The following NUSAP1 variants were observed in gnomAD, a reference collection of about 807,000 sequenced individuals.
NUSAP1 encodes nucleolar and spindle-associated protein 1.
NUSAP1 carries 32 observed loss-of-function variants against 52.8 expected under a neutral mutation model. The ratio of observed to expected loss-of-function variants is 0.61; its 90% CI spans 0.46 to 0.81. NUSAP1 has a LOEUF of 0.81. NUSAP1 is among the 40% of genes least tolerant of loss of function. The pLI is 0.00. For missense variants in NUSAP1, 499 were observed against 522.3 expected (o/e 0.96, Z 0.43); for synonymous variants, 195 against 183.1 (o/e 1.06, Z -0.52).
intron 10 of NUSAP1, among the ~76,000 whole-genome samples, chr15:41,378,902 A>G (rs2050085795): frequency 6.7e-6 from 1 of 150,374 alleles, no homozygotes; most frequent in African/African-American, 2.4e-5. Context: ...GACAAACCAA[A>G]AAAAAAAAAG....
chr15:41,355,821 C>T (rs573602720), intron 4 of NUSAP1, among the ~76,000 whole-genome samples: 16 of 151,742 alleles, frequency 1.1e-4, no homozygotes, highest in Non-Finnish European at 1.2e-4. Flanking sequence ...GGACTACAGG[C>T]GCCCACCACC....
At chr15:41,361,358 A>G (rs926171220) in intron 6 of NUSAP1, among the ~76,000 whole-genome samples, 10 of 151,938 alleles carry the variant, frequency 6.6e-5, no homozygotes, top group Admixed American at 2.0e-4. Flanking sequence ...ATGCCATTGC[A>G]CTCCAGCCTG....
At chr15:41,367,921 C>T (rs1258179415) in intron 7 of NUSAP1, among the ~76,000 whole-genome samples, 1 of 152,164 alleles carries the variant, frequency 6.6e-6, no homozygotes, top group Non-Finnish European at 1.5e-5. Flanking sequence ...TTCCCATTGA[C>T]ACTCCAGTCA....
intron 6 of NUSAP1, among the ~76,000 whole-genome samples, chr15:41,359,510 C>T (rs2049088022): frequency 1.3e-5 from 2 of 152,084 alleles, no homozygotes; most frequent in East Asian, 1.9e-4. Context: ...GAGGAAAACT[C>T]ACTGGGTGAT....
chr15:41,366,116 ATCC>A (rs1401422339), intron 7 of NUSAP1, among the ~76,000 whole-genome samples: 2 of 151,886 alleles, frequency 1.3e-5, no homozygotes, highest in Non-Finnish European at 2.9e-5. Context: ...TATATTTAGT[ATCC>A]TCCTTCTAGC....
At chr15:41,365,736 T>C in intron 7 of NUSAP1, 147 bp downstream of exon 7, 1 of 559,840 alleles carries the variant, frequency 1.8e-6, no homozygotes. Context: ...TTTTTTTTTT[T>C]TTGAGATGAG....
chr15:41,354,670 GATAT>G (rs10541882), intron 4 of NUSAP1, among the ~76,000 whole-genome samples: 16,708 of 145,926 alleles, frequency 0.11, 2,061 homozygotes, highest in East Asian at 0.59. Context: ...TGTTTTAACC[GATAT>G]ATATATATAT....
chr15:41,348,998 T>G, intron 2 of NUSAP1, 100 bp from the exon 3 acceptor site: 1 of 1,216,188 alleles, frequency 8.2e-7, no homozygotes, highest in Admixed American at 2.6e-5. Context: ...TTTTTTCTTT[T>G]GCATATGTAA....
chr15:41,375,911 CA>C, intron 9 of NUSAP1, 83 bp downstream of exon 9: 1 of 911,518 alleles, frequency 1.1e-6, no homozygotes, highest in Non-Finnish European at 1.8e-6. Flanking sequence ...ACTAAACATA[CA>C]AAAATTAGCC....
At chr15:41,362,927 C>G (rs1193523391) in intron 6 of NUSAP1, among the ~76,000 whole-genome samples, 3 of 151,966 alleles carry the variant, frequency 2.0e-5, no homozygotes, top group East Asian at 1.9e-4. Context: ...GAGCTGAGAT[C>G]GGGCCACTGT....
chr15:41,357,546 C>T (rs1370654895), intron 5 of NUSAP1, among the ~76,000 whole-genome samples: 6 of 151,634 alleles, frequency 4.0e-5, no homozygotes, highest in Non-Finnish European at 7.4e-5. Context: ...CGGGTTCAAG[C>T]GATTCTCCTG....
chr15:41,367,318 C>A (rs2049459928), intron 7 of NUSAP1, among the ~76,000 whole-genome samples: 1 of 152,168 alleles, frequency 6.6e-6, no homozygotes, highest in South Asian at 2.1e-4. Context: ...GAGAGTCTCT[C>A]CCGTTCCAGG....
At chr15:41,355,044 C>G (rs1401711182) in intron 4 of NUSAP1, among the ~76,000 whole-genome samples, 1 of 151,692 alleles carries the variant, frequency 6.6e-6, no homozygotes, top group African/African-American at 2.4e-5. Flanking sequence ...GAGACAGAGT[C>G]TTGCTGTGTT....
intron 4 of NUSAP1, among the ~76,000 whole-genome samples, chr15:41,355,019 CAA>C (rs1029020793): frequency 1.5e-5 from 2 of 135,506 alleles, no homozygotes. Context: ...GACTCCATCT[CAA>C]AAAAAAAAAA....
At chr15:41,350,557 A>G (rs1442346361) in intron 3 of NUSAP1, among the ~76,000 whole-genome samples, 1 of 152,000 alleles carries the variant, frequency 6.6e-6, no homozygotes, top group African/African-American at 2.4e-5. Context: ...GTTATCTTCT[A>G]ACTGTCTTCA....
At chr15:41,338,951 C>T (rs2048275420) in intron 1 of NUSAP1, among the ~76,000 whole-genome samples, 1 of 151,724 alleles carries the variant, frequency 6.6e-6, no homozygotes, top group African/African-American at 2.4e-5. Flanking sequence ...GGCGACAGAG[C>T]GAGACTCTGT....
chr15:41,363,658 C>T (rs2049275987), intron 6 of NUSAP1, among the ~76,000 whole-genome samples: 1 of 151,986 alleles, frequency 6.6e-6, no homozygotes, highest in African/African-American at 2.4e-5. Flanking sequence ...TAGGCATGGG[C>T]CACCAGATTA....
chr15:41,358,562 C>A (rs2049056297), intron 6 of NUSAP1, among the ~76,000 whole-genome samples: 1 of 152,122 alleles, frequency 6.6e-6, no homozygotes, highest in Non-Finnish European at 1.5e-5. Context: ...CATGGTGAAA[C>A]CCTGTCTCTA....
chr15:41,341,753 C>T (rs2048374512), intron 1 of NUSAP1, among the ~76,000 whole-genome samples: 1 of 152,236 alleles, frequency 6.6e-6, no homozygotes, highest in African/African-American at 2.4e-5. Flanking sequence ...GTAGACTACT[C>T]ATTCTGAGTA....
Sources: gnomAD v4.1 joint callset for allele counts (sites outside exome capture counted in the v4.1 genomes callset) on GRCh38, gnomAD v4.1.1 for gene constraint, MANE v1.5 for transcripts, NCBI Gene and HGNC (gene_info 2026-07-23, HGNC 2026-07-21) for gene names.